STIMATE: variants seen among roughly 807,000 people sequenced by gnomAD.
The protein encoded by STIMATE is store-operated calcium entry regulator STIMATE.
A neutral mutation model predicts 36.7 loss-of-function variants in STIMATE; 15 were observed. The observed-to-expected ratio is 0.41, with a 90% CI of 0.27 to 0.63. STIMATE has a LOEUF of 0.63. Ranked by LOEUF, STIMATE falls within the 20% of genes least tolerant of loss-of-function variation. The probability of loss-of-function intolerance (pLI) is 0.32; values close to 1 mark genes in which losing one functional copy is unlikely to be tolerated. For missense variants in STIMATE, 305 were observed against 397.3 expected, an observed-to-expected ratio of 0.77 and a Z score of 1.98; for synonymous variants, 163 against 162.3, an observed-to-expected ratio of 1.00 and a Z score of -0.03.
chr3:52,897,365 C>A lies in STIMATE; in HGVS notation c.86G>T (p.Ser29Ile). 1 of 1,519,796 alleles carries A rather than the reference C, an allele frequency of 6.6e-7. No individual in the cohort carries two copies. The highest frequency in any genetic ancestry group is 8.8e-7 in the Non-Finnish European group (1 of 1,140,824). The allele number at this position is 1,519,796 out of a possible 1,614,324, so 94.1% of individuals were successfully genotyped here. ...GCCGAAGCTGTGCATGAGCGCGCCGCTCTCGCAGCGGCCCGCCCCGGACGC... is the reference window on the plus strand; with the variant it reads ...GCCGAAGCTGTGCATGAGCGCGCCGATCTCGCAGCGGCCCGCCCCGGACGC... The part of the protein sequence containing the change: ...TVASGAGRCE[S>I]GALMHSFGIF... Residue 29 changes from serine to isoleucine, a missense_variant, in exon 1 of 8, where the codon AGC (serine) becomes ATC (isoleucine). Around this residue, in one of 3 missense-constraint regions of STIMATE, gnomAD observed 57 missense variants for 57.1 expected, o/e 1.00. Transcript: ENST00000355083.
Position 52,897,318 on chromosome 3 carries a change from C to T in STIMATE, c.133G>A (p.Gly45Ser). 3.9e-6 allele frequency: 6 copies of T among 1,553,892 alleles called. No individual in the cohort carries two copies. Among genetic ancestry groups the T allele is most frequent in the Non-Finnish European group, 5.2e-6 (6 of 1,157,586 alleles). Residue 45 changes from glycine (G) to serine (S), a missense_variant, in exon 1 of 8, where the codon GGC becomes AGC. Physicochemically the swap from Gly to Ser is moderately conservative, Grantham distance 56 (BLOSUM62 0). This residue lies in a region of STIMATE where 164 missense variants were observed against 257.9 expected (regional missense o/e 0.64). Transcript: ENST00000355083. ...ATTAACGTGCTGAAGGCCACGACGC[C>T]GAGCAGCCCCTGCAGGAAGATGCCG... Reference protein sequence around the residue: ...SFGIFLQGLLGVVAFSTLMLK... With the variant: ...SFGIFLQGLLSVVAFSTLMLK...
At chr3:52,884,159 T>C (rs1044433244) in intron 1 of STIMATE, among the ~76,000 whole-genome samples, 20 of 152,286 alleles carry the variant, frequency 1.3e-4, no homozygotes, top group African/African-American at 4.8e-4. Flanking sequence ...ACTTATATTA[T>C]GCATACAGTT....
In STIMATE at chr3:52,847,079, A is replaced by T. The variant is rs181036403; in HGVS notation, c.428-2138T>A. The T allele has an allele frequency of 5.4e-3, 1,781 of 332,390 alleles. 141 individuals carry two copies. The South Asian group carries it at 0.17, about 32-fold the overall frequency. 20.6% of individuals were successfully genotyped at this position (332,390 alleles called of 1,614,324 possible). ...TCATGTGCCTGGCTAATTAAAAAAA[A>T]TTTTTTTTTTTGTAGAGACGGGATC... On this transcript the variant is annotated intron_variant, in intron 4 of 7. Coordinates refer to ENST00000355083, the MANE Select transcript of STIMATE (RefSeq NM_198563.5).
At chr3:52,856,025 TGAA>T (rs1311213219) in intron 1 of STIMATE, among the ~76,000 whole-genome samples, 2 of 152,244 alleles carry the variant, frequency 1.3e-5, no homozygotes, top group East Asian at 3.9e-4. Flanking sequence ...CATCTTCCAG[TGAA>T]GAAGAGACTT....
At chr3:52,855,727 G>A (rs994458154) in intron 1 of STIMATE, among the ~76,000 whole-genome samples, 6 of 152,224 alleles carry the variant, frequency 3.9e-5, no homozygotes, top group African/African-American at 1.2e-4. Flanking sequence ...GGCTCACTCA[G>A]ATAAGGATTG....
At chr3:52,887,385 C>G (rs918193992) in intron 1 of STIMATE, among the ~76,000 whole-genome samples, 1 of 152,166 alleles carries the variant, frequency 6.6e-6, no homozygotes, top group Admixed American at 6.5e-5. Context: ...TGGACCGGAC[C>G]CAGGCACAGG....
At chr3:52,882,260 G>A (rs1017075658) in intron 1 of STIMATE, among the ~76,000 whole-genome samples, 4 of 152,224 alleles carry the variant, frequency 2.6e-5, no homozygotes, top group Non-Finnish European at 5.9e-5. Context: ...CAGGGAGGAA[G>A]CAAGCAAGTA....
intron 1 of STIMATE, among the ~76,000 whole-genome samples, chr3:52,880,610 A>C (rs1559497987): frequency 6.6e-6 from 1 of 152,126 alleles, no homozygotes; most frequent in Non-Finnish European, 1.5e-5. Flanking sequence ...TTGGAGACAG[A>C]GCTCCTGGGG....
Position 52,897,440 on chromosome 3 carries a change from G to A in STIMATE, c.11C>T (p.Pro4Leu). MQG[P>L]AGNASRGLPG... is the part of the protein sequence containing the mutation. ...CAGTCCCCGGCTCGCGTTCCCGGCG[G>A]GGCCCTGCATGACAGGCCTCGCGGG... The change falls in exon 1 of 8, where the codon CCC (proline) becomes CTC (leucine). Residue 4 changes from proline to leucine, a missense_variant. Physicochemically the swap from Pro to Leu is moderately conservative, Grantham distance 98. Coordinates refer to ENST00000355083, the MANE Select transcript of STIMATE (RefSeq NM_198563.5). 1 of 1,425,942 alleles carries A rather than the reference G, an allele frequency of 7.0e-7. No homozygotes were observed. Among genetic ancestry groups the A allele is most frequent in the Non-Finnish European group, 9.1e-7 (1 of 1,097,882 alleles). The allele number at this position is 1,425,942 out of a possible 1,614,324, so 88.3% of individuals were successfully genotyped here.
intron 6 of STIMATE, chr3:52,843,194 T>C (rs1476322288): frequency 5.4e-5 from 42 of 774,662 alleles, no homozygotes; most frequent in Non-Finnish European, 6.9e-5. Flanking sequence ...TGACGGGTTT[T>C]TGTTGTGGTA....
chr3:52,882,901 G>A (rs934952304), intron 1 of STIMATE, among the ~76,000 whole-genome samples: 2 of 152,144 alleles, frequency 1.3e-5, no homozygotes, highest in Non-Finnish European at 1.5e-5. Context: ...AGGGGACGCC[G>A]AGAGCACTTG....
chr3:52,858,988 A>G (rs962408422), intron 1 of STIMATE, among the ~76,000 whole-genome samples: 3 of 151,586 alleles, frequency 2.0e-5, no homozygotes, highest in Non-Finnish European at 4.4e-5. Flanking sequence ...GCAAAACCCC[A>G]TCTCTACTAA....
At chr3:52,896,808 G>C (rs961595538) in intron 1 of STIMATE, among the ~76,000 whole-genome samples, 3 of 152,202 alleles carry the variant, frequency 2.0e-5, no homozygotes, top group Non-Finnish European at 2.9e-5. Context: ...AACACTCCAG[G>C]TGTTGAGAGG....
intron 1 of STIMATE, among the ~76,000 whole-genome samples, chr3:52,888,193 G>A (rs1239661475): frequency 6.6e-6 from 1 of 151,912 alleles, no homozygotes; most frequent in Non-Finnish European, 1.5e-5. Flanking sequence ...TCCAGGGCTT[G>A]GACTGAGGGT....
chr3:52,887,239 T>C (rs910274483), intron 1 of STIMATE, among the ~76,000 whole-genome samples: 2 of 152,216 alleles, frequency 1.3e-5, no homozygotes, highest in African/African-American at 2.4e-5. Context: ...CTGAAGTATT[T>C]AGTAGTTAGA....
rs111329073 is a variant in STIMATE, at chr3:52,843,520, T to C, written c.618+201A>G. ...ACAAAGCTCCCAGGCCCCTCCATCC[T>C]GGACGGGAGCCCTGGTATGGGGCCC... On this transcript the variant is annotated intron_variant, in intron 6 of 7. Coordinates refer to ENST00000355083, the MANE Select transcript of STIMATE (RefSeq NM_198563.5). 2.8e-3 allele frequency among the ~76,000 whole-genome samples: 423 copies of C among 152,298 alleles called. 1 individual carries two copies. The highest frequency in any genetic ancestry group is 7.2e-3 in the African/African-American group (300 of 41,568).
intron 1 of STIMATE, among the ~76,000 whole-genome samples, chr3:52,883,097 G>A (rs1013140269): frequency 5.9e-5 from 9 of 152,326 alleles, no homozygotes; most frequent in Admixed American, 2.0e-4. Flanking sequence ...AGGGGCCAAG[G>A]AGCTGAGTTG....
chr3:52,850,957 G>A (rs534206407), intron 3 of STIMATE, among the ~76,000 whole-genome samples: 7 of 152,238 alleles, frequency 4.6e-5, no homozygotes, highest in South Asian at 2.1e-4. Context: ...TTGAACTCCC[G>A]GCCTCAAGGG....
intron 1 of STIMATE, among the ~76,000 whole-genome samples, chr3:52,859,530 AATT>A (rs1701173507): frequency 2.1e-5 from 1 of 47,152 alleles, no homozygotes; most frequent in African/African-American, 6.0e-5. Flanking sequence ...AAAAAAAAAA[AATT>A]TTTTTTTTTT....
Sources: allele counts gnomAD v4.1 joint callset (sites outside exome capture counted in the v4.1 genomes callset), GRCh38; gene constraint gnomAD v4.1.1; regional missense constraint gnomAD v4.1.1; transcripts MANE v1.5; gene names NCBI Gene and HGNC (gene_info 2026-07-23, HGNC 2026-07-21).